The following GPATCH2L variants were observed in gnomAD, a reference collection of about 807,000 sequenced individuals.
GPATCH2L encodes the protein G-patch domain containing 2 like.
Under a neutral mutation model 57.4 loss-of-function variants are expected in GPATCH2L, and 31 were observed. That is an observed-to-expected ratio of 0.54 (90% CI 0.41 to 0.73). The LOEUF is 0.73. Among genes scored for constraint, GPATCH2L ranks in the 30% least tolerant of loss-of-function variants. The pLI is 0.00. For synonymous variants in GPATCH2L, 199 were observed against 210.7 expected (o/e 0.94, Z 0.48); for missense variants, 481 against 599.9 (o/e 0.80, Z 2.07).
downstream of GPATCH2L, among the ~76,000 whole-genome samples, chr14:76,216,591 A>G (rs1182650495): frequency 6.6e-6 from 1 of 151,962 alleles, no homozygotes; most frequent in African/African-American, 2.4e-5. Context: ...CAAATTTAAT[A>G]AGTAGTTTAA....
intron 1 of GPATCH2L, among the ~76,000 whole-genome samples, chr14:76,222,337 T>C (rs1054196830): frequency 6.6e-6 from 1 of 152,242 alleles, no homozygotes; most frequent in Non-Finnish European, 1.5e-5. Context: ...CTGGGCATGG[T>C]GGCTCGTGCC....
intron 9 of GPATCH2L, among the ~76,000 whole-genome samples, chr14:76,198,592 G>A (rs962792069): frequency 6.6e-6 from 1 of 152,170 alleles, no homozygotes; most frequent in Non-Finnish European, 1.5e-5. Context: ...GTATATTTTA[G>A]CTATCCCAAA....
At chr14:76,185,367 G>T (rs2039727371) in intron 8 of GPATCH2L, among the ~76,000 whole-genome samples, 2 of 152,214 alleles carry the variant, frequency 1.3e-5, no homozygotes, top group South Asian at 4.1e-4. Context: ...TCACAAACTT[G>T]TAATAAGAAG....
chr14:76,215,451 A>G (rs2040482881), downstream of GPATCH2L, among the ~76,000 whole-genome samples: 1 of 151,946 alleles, frequency 6.6e-6, no homozygotes, highest in Admixed American at 6.6e-5. Flanking sequence ...ATGCTGCTAT[A>G]AAGACACATA....
chr14:76,228,601 G>T (rs1270593684), intron 1 of GPATCH2L, among the ~76,000 whole-genome samples: 1 of 152,182 alleles, frequency 6.6e-6, no homozygotes, highest in African/African-American at 2.4e-5. Context: ...ATCTGAAACT[G>T]CTTAGGAAGT....
At chr14:76,222,324 A>G (rs1325148704) in intron 1 of GPATCH2L, among the ~76,000 whole-genome samples, 1 of 152,222 alleles carries the variant, frequency 6.6e-6, no homozygotes, top group Non-Finnish European at 1.5e-5. Context: ...AGTAAATAGA[A>G]GGCTGGGCAT....
chr14:76,173,786 T>G (rs946945767), intron 5 of GPATCH2L, 161 bp downstream of exon 5: 1 of 550,186 alleles, frequency 1.8e-6, no homozygotes, highest in Admixed American at 3.0e-5. Context: ...ATGTAGAATG[T>G]GAATGGATAT....
In GPATCH2L at chr14:76,208,339, G is replaced by A. The variant is rs2040402238; in HGVS notation, c.*6488G>A. Reference sequence around the variant, plus strand: ...GGTCCTACACCTTGCTTCCTCAAGTGGCCATGAAAAAAAATCTCACGACCA... The same window carrying A: ...GGTCCTACACCTTGCTTCCTCAAGTAGCCATGAAAAAAAATCTCACGACCA... On this transcript the variant is annotated 3_prime_UTR_variant, in exon 10 of 10. Coordinates refer to ENST00000261530, the MANE Select transcript of GPATCH2L (RefSeq NM_017926.4). The A allele has an allele frequency of 1.3e-5, 2 of 152,012 alleles. No homozygotes were observed. The highest frequency in any genetic ancestry group is 4.8e-5 in the African/African-American group (2 of 41,376). The allele number at this position is 152,012 out of a possible 1,614,324, so 9.4% of individuals were successfully genotyped here.
chr14:76,195,610 G>A (rs139370829), intron 8 of GPATCH2L, among the ~76,000 whole-genome samples: 1 of 152,288 alleles, frequency 6.6e-6, no homozygotes, highest in African/African-American at 2.4e-5. Flanking sequence ...ATAAAAATAA[G>A]CATGTAATGC....
In GPATCH2L at chr14:76,228,463, AG is replaced by A. The variant is rs202144836; in HGVS notation, c.66-1340del. On this transcript the variant is annotated intron_variant and NMD_transcript_variant, in intron 1 of 3. Coordinates refer to the GPATCH2L transcript ENST00000556372. ...AACTTGTAACTTTCCGCATTGTGCC[AG>A]GGGGCAGGCAGTTTCTAGGTTGTCG... Among the ~76,000 whole-genome samples the A allele has an allele frequency of 4.6e-3, 703 of 152,286 alleles. 4 individuals carry two copies. The highest frequency in any genetic ancestry group is 0.016 in the African/African-American group (681 of 41,564).
intron 9 of GPATCH2L, among the ~76,000 whole-genome samples, chr14:76,199,670 G>T (rs1031319242): frequency 6.6e-6 from 1 of 152,010 alleles, no homozygotes; most frequent in African/African-American, 2.4e-5. Context: ...TCAGGTGTTG[G>T]TGCAGATGTG....
chr14:76,191,859 G>T (rs1276525777), intron 8 of GPATCH2L, among the ~76,000 whole-genome samples: 1 of 152,020 alleles, frequency 6.6e-6, no homozygotes, highest in African/African-American at 2.4e-5. Flanking sequence ...TCACCTTACA[G>T]TACTATAGAA....
rs560367568 is a variant in GPATCH2L, at chr14:76,212,444, T to C, written c.*10593T>C. On this transcript the variant is annotated 3_prime_UTR_variant, in exon 10 of 10. Coordinates refer to ENST00000261530, the MANE Select transcript of GPATCH2L (RefSeq NM_017926.4). ...AAAACCACGACATAATGCTAAAGGG[T>C]GTGACTCACGAGATAATGTTTCTAG... 1.3e-5 allele frequency: 2 copies of C among 149,880 alleles called. No individual in the cohort carries two copies. The highest frequency in any genetic ancestry group is 4.2e-4 in the South Asian group (2 of 4,756). The allele number at this position is 149,880 out of a possible 1,614,324, so 9.3% of individuals were successfully genotyped here.
intron 1 of GPATCH2L, among the ~76,000 whole-genome samples, chr14:76,227,424 G>T (rs541750661): frequency 6.6e-6 from 1 of 152,148 alleles, no homozygotes; most frequent in Non-Finnish European, 1.5e-5. Flanking sequence ...CAGAGTCCAG[G>T]GGGGAGGGAC....
At chr14:76,180,920 A>T in intron 8 of GPATCH2L, 71 bp downstream of exon 8, 1 of 912,912 alleles carries the variant, frequency 1.1e-6, no homozygotes, top group Non-Finnish European at 1.8e-6. Flanking sequence ...CCCTCAAATT[A>T]TAGAGTATGC....
chr14:76,181,601 C>T (rs970003158), intron 8 of GPATCH2L, among the ~76,000 whole-genome samples: 2 of 152,110 alleles, frequency 1.3e-5, no homozygotes, highest in African/African-American at 4.8e-5. Flanking sequence ...TTGTCTTGTT[C>T]CCTGATAACT....
chr14:76,171,972 A>G lies in GPATCH2L; in HGVS notation c.857A>G (p.Lys286Arg), dbSNP rs747379280. ...GAAAGAATGGATTCTGGATTGGATA[A>G]ATTTTCAGATTCCACATTCCTTTTA... is the stretch of plus-strand genomic sequence containing the variant. ...EVERMDSGLD[K>R]FSDSTFLLPS... is the part of the protein sequence containing the mutation. Residue 286 changes from lysine (K) to arginine (R), a missense_variant, in exon 4 of 10, where the codon AAA (lysine) becomes AGA (arginine). Physicochemically the swap from Lys to Arg is conservative, Grantham distance 26. Transcript: ENST00000261530. 1.2e-6 allele frequency: 2 copies of G among 1,612,918 alleles called. No homozygotes were observed. The highest frequency in any genetic ancestry group is 1.7e-6 in the Non-Finnish European group (2 of 1,179,340).
At chr14:76,192,765 A>G (rs1292716729) in intron 8 of GPATCH2L, among the ~76,000 whole-genome samples, 2 of 152,176 alleles carry the variant, frequency 1.3e-5, no homozygotes, top group African/African-American at 2.4e-5. Flanking sequence ...AGTCCACAAA[A>G]GTATATACTT....
chr14:76,167,887 G>A (rs1005474249), intron 3 of GPATCH2L, among the ~76,000 whole-genome samples: 4 of 152,138 alleles, frequency 2.6e-5, no homozygotes, highest in African/African-American at 9.7e-5. Flanking sequence ...TTTCTACAGT[G>A]CTAAGAATAT....
Sources: allele counts gnomAD v4.1 joint callset (sites outside exome capture counted in the v4.1 genomes callset), GRCh38; gene constraint gnomAD v4.1.1; transcripts MANE v1.5; gene names NCBI Gene and HGNC (gene_info 2026-07-23, HGNC 2026-07-21).